SLC22A31: variants seen among roughly 807,000 people sequenced by gnomAD.
SLC22A31 encodes the protein solute carrier family 22 member 31.
A neutral mutation model predicts 27.4 loss-of-function variants in SLC22A31; 42 were observed. The observed-to-expected ratio is 1.53, with a 90% CI of 1.20 to 1.98. SLC22A31 has a LOEUF of 1.98. Ranked by LOEUF, SLC22A31 falls within the 30% of genes most tolerant of loss-of-function variation. The pLI, the probability that SLC22A31 is intolerant of heterozygous loss-of-function variation, is 0.00. For missense variants in SLC22A31, 593 were observed against 479.9 expected (o/e 1.24, Z -2.20); for synonymous variants, 290 against 230.8 (o/e 1.26, Z -2.33).
chr16:89,196,002 G>C lies in SLC22A31; in HGVS notation c.1338C>G (p.His446Gln), dbSNP rs1178302693. ...CTCCCAGGGCCACCAGGCAGGACTA[G>C]TGCTGCTCGGGGGTGTGGCCGGCCC... is the stretch of plus-strand genomic sequence containing the variant. ...SYWAGHTPEQ[H>Q] The change falls in exon 9 of 9, where the codon CAC (histidine) becomes CAG (glutamine). Residue 446 changes from histidine to glutamine, a missense_variant. His to Gln is a conservative substitution (Grantham distance 24). Transcript: ENST00000682282. 1 of 1,502,846 alleles carries C rather than the reference G, an allele frequency of 6.7e-7. No individual in the cohort carries two copies. Among genetic ancestry groups the C allele is most frequent in the South Asian group, 1.3e-5 (1 of 78,414 alleles). The allele number at this position is 1,502,846 out of a possible 1,614,324, so 93.1% of individuals were successfully genotyped here. A position where few individuals can be genotyped will look rare whatever the true frequency, so the allele number is the denominator to read the frequency against.
intron 1 of SLC22A31, 156 bp downstream of exon 1, chr16:89,200,322 G>C (rs1916449636): frequency 6.5e-6 from 1 of 152,818 alleles, no homozygotes; most frequent in Admixed American, 6.5e-5. Context: ...GCAGCGGCTG[G>C]AGAGCTGTGC....
At position 89,198,649 on chromosome 16, in the gene SLC22A31, G is replaced by C; in HGVS notation, c.598+3C>G. 4 of 1,535,098 alleles carry C rather than the reference G, an allele frequency of 2.6e-6. No individual in the cohort carries two copies. Among genetic ancestry groups the C allele is most frequent in the Non-Finnish European group, 3.5e-6 (4 of 1,146,250 alleles). On this transcript the variant is annotated splice_donor_region_variant and intron_variant, in intron 5 of 8. Coordinates refer to ENST00000682282, the MANE Select transcript of SLC22A31 (RefSeq NM_001384763.1). ...TCTCCCTCCTCCCTGGTAGGCGCCT[G>C]ACCTGTAGCCAGGGAGTTCTCCTCC...
rs1376769018 is a variant in SLC22A31, at chr16:89,197,427, G to A, written c.923-18C>T. On this transcript the variant is annotated intron_variant, in intron 7 of 8. Transcript: ENST00000682282. ...TGGCAGATCTGGGGACAAAGAACAG[G>A]GGTTCCCAGGCTCTCTCCCCAGGCC... is the stretch of plus-strand genomic sequence containing the variant. 1.3e-6 allele frequency: 2 copies of A among 1,520,884 alleles called. No individual in the cohort carries two copies. Among genetic ancestry groups the A allele is most frequent in the African/African-American group, 2.7e-5 (2 of 72,840 alleles). The allele number at this position is 1,520,884 out of a possible 1,614,324, so 94.2% of individuals were successfully genotyped here.
chr16:89,201,587 C>A, upstream of SLC22A31: 1 of 398,636 alleles, frequency 2.5e-6, no homozygotes, highest in Non-Finnish European at 4.4e-6. Flanking sequence ...TGCAGGGTAC[C>A]CACGAGGCGG....
chr16:89,195,909 G>T lies in SLC22A31; in HGVS notation c.*90C>A. ...AGACACGGGCTTCTGAGAGGAATGT[G>T]TCTGCCCTGGACCAGACGTCTGGGG... On this transcript the variant is annotated 3_prime_UTR_variant, in exon 9 of 9. Transcript: ENST00000682282. The T allele has an allele frequency of 1.5e-6, 2 of 1,353,314 alleles. No homozygotes were observed. The highest frequency in any genetic ancestry group is 1.9e-6 in the Non-Finnish European group (2 of 1,027,312). 83.8% of individuals were successfully genotyped at this position (1,353,314 alleles called of 1,614,324 possible).
chr16:89,198,478 A>T lies in SLC22A31; in HGVS notation c.671T>A (p.Val224Asp). The change falls in exon 6 of 9, where the codon GTC becomes GAC. Residue 224 changes from valine (V) to aspartate (D), a missense_variant. Val to Asp is a radical substitution (Grantham distance 152). Coordinates refer to ENST00000682282, the MANE Select transcript of SLC22A31 (RefSeq NM_001384763.1). Reference sequence around the variant, plus strand: ...CAAGATAAGCCCGTTTCTCCAGGTGACTCGGGTACGCAGAAGCCCCAGTGG... The same window carrying T: ...CAAGATAAGCCCGTTTCTCCAGGTGTCTCGGGTACGCAGAAGCCCCAGTGG... ...HSPLGLLRTR[V>D]TWRNGLILGF... 5.3e-6 allele frequency: 8 copies of T among 1,519,938 alleles called. No homozygotes were observed. Among genetic ancestry groups the T allele is most frequent in the Non-Finnish European group, 7.0e-6 (8 of 1,138,170 alleles). The allele number at this position is 1,519,938 out of a possible 1,614,324, so 94.2% of individuals were successfully genotyped here.
At chr16:89,196,861 G>A (rs947762231) in intron 8 of SLC22A31, among the ~76,000 whole-genome samples, 9 of 151,330 alleles carry the variant, frequency 5.9e-5, no homozygotes, top group Admixed American at 1.3e-4. Context: ...CAGGAGAATC[G>A]CTTGAACCAG....
At position 89,198,687 on chromosome 16, in the gene SLC22A31, C is replaced by G. The variant is rs4785728; in HGVS notation, c.563G>C (p.Gly188Ala). 1 of 1,535,708 alleles carries G rather than the reference C, an allele frequency of 6.5e-7. No individual in the cohort carries two copies. Among genetic ancestry groups the G allele is most frequent in the South Asian group, 1.2e-5 (1 of 84,066 alleles). ...GGAGTTCTCCTCCAAGGAACTGTCC[C>G]CGGGGCCCACGCCACTGGCTTCTGC... The part of the protein sequence containing the change: ...RFAEASGVGP[G>A]DSSLEENSLA... The change falls in exon 5 of 9, where the codon GGG (glycine) becomes GCG (alanine). Residue 188 changes from glycine (G) to alanine (A), a missense_variant. Transcript: ENST00000682282.
At position 89,199,187 on chromosome 16, in the gene SLC22A31, C is replaced by A; in HGVS notation, c.288G>T (p.Leu96=). 1 of 1,526,168 alleles carries A rather than the reference C, an allele frequency of 6.6e-7. No homozygotes were observed. Among genetic ancestry groups the A allele is most frequent in the Non-Finnish European group, 8.8e-7 (1 of 1,142,114 alleles). The allele number at this position is 1,526,168 out of a possible 1,614,324, so 94.5% of individuals were successfully genotyped here. The stretch of plus-strand genomic sequence containing the variant: ...GGCGGTGGGGAGGGTCACACAACTC[C>A]AGGCCTGGGCAGACACAGACAGGTT... ...GALLALYLAR[L]ELCDPPHRLA... The change falls in exon 4 of 9, where the codon CTG becomes CTT. Residue 96 remains leucine, a synonymous_variant. Transcript: ENST00000682282.
chr16:89,199,796 G>GGAAGCACACACAAGGT lies in SLC22A31; in HGVS notation c.44_45insACCTTGTGTGTGCTTC (p.Asp15GlufsTer33). On this transcript the variant is annotated frameshift_variant, in exon 2 of 9. Transcript: ENST00000682282. LOFTEE classifies it high-confidence loss of function. Reference sequence around the variant, plus strand: ...CCTGCTCCAGCGGGACCTTCCAGCCGTCTCCACACACAAGGTTCCACTATG... The same window carrying GGAAGCACACACAAGGT: ...CCTGCTCCAGCGGGACCTTCCAGCCGGAAGCACACACAAGGTTCTCCACACACAAGGTTCCACTATG... 3 of 403,514 alleles carry GGAAGCACACACAAGGT rather than the reference G, an allele frequency of 7.4e-6. No homozygotes were observed. Among genetic ancestry groups the GGAAGCACACACAAGGT allele is most frequent in the Non-Finnish European group, 8.8e-6 (2 of 227,934 alleles). The allele number at this position is 403,514 out of a possible 1,614,324, so 25.0% of individuals were successfully genotyped here.
chr16:89,201,025 C>T (rs1294070075), upstream of SLC22A31: 4 of 358,236 alleles, frequency 1.1e-5, no homozygotes, highest in East Asian at 1.2e-4. Context: ...CAGGCCGCCC[C>T]GCGCCTGGCA....
At chr16:89,199,289 G>T in intron 3 of SLC22A31, 98 bp from the exon 4 acceptor site, 1 of 1,257,748 alleles carries the variant, frequency 8.0e-7, no homozygotes, top group Non-Finnish European at 1.1e-6. Flanking sequence ...GCCCAGGAGC[G>T]GGATGCCCAA....
intron 7 of SLC22A31, 120 bp downstream of exon 7, chr16:89,198,002 C>T: frequency 9.4e-7 from 1 of 1,059,502 alleles, no homozygotes; most frequent in Non-Finnish European, 1.3e-6. Context: ...AAACAAACAG[C>T]AGCTGGCCTT....
In SLC22A31 at chr16:89,196,061, G is replaced by A. The variant is rs1915855699; in HGVS notation, c.1279C>T (p.His427Tyr). The change falls in exon 9 of 9, where the codon CAC becomes TAC. Residue 427 changes from histidine (H) to tyrosine (Y), a missense_variant. By Grantham distance (83) the His-to-Tyr change is moderately conservative. Coordinates refer to ENST00000682282, the MANE Select transcript of SLC22A31 (RefSeq NM_001384763.1). ...PLLRGRPRQDHLPLLPPSNSY... is the reference protein window; with the variant it reads ...PLLRGRPRQDYLPLLPPSNSY... ...TTGGAGGGCGGCAGCAGAGGCAGGT[G>A]GTCCTGGCGGGGGCGGCCCCGCAGG... The A allele has an allele frequency of 3.3e-6, 5 of 1,530,784 alleles. No individual in the cohort carries two copies. Among genetic ancestry groups the A allele is most frequent in the Non-Finnish European group, 4.4e-6 (5 of 1,144,724 alleles). The allele number at this position is 1,530,784 out of a possible 1,614,324, so 94.8% of individuals were successfully genotyped here.
chr16:89,198,677 G>A lies in SLC22A31; in HGVS notation c.573C>T (p.Ser191=). 6.5e-7 allele frequency: 1 copy of A among 1,535,710 alleles called. No homozygotes were observed. The highest frequency in any genetic ancestry group is 8.7e-7 in the Non-Finnish European group (1 of 1,146,738). Residue 191 remains serine (S), a synonymous_variant, in exon 5 of 9, where the codon TCC becomes TCT. Coordinates refer to ENST00000682282, the MANE Select transcript of SLC22A31 (RefSeq NM_001384763.1). ...CTGTAGCCAGGGAGTTCTCCTCCAAGGAACTGTCCCCGGGGCCCACGCCAC... is the reference window on the plus strand; with the variant it reads ...CTGTAGCCAGGGAGTTCTCCTCCAAAGAACTGTCCCCGGGGCCCACGCCAC... ...EASGVGPGDS[S]LEENSLATEL...
At chr16:89,197,533 G>GC (rs1421965681) in intron 7 of SLC22A31, 124 bp from the exon 8 acceptor site, 4 of 650,632 alleles carry the variant, frequency 6.1e-6, no homozygotes, top group Admixed American at 2.8e-5. Flanking sequence ...TCCTTTTCCA[G>GC]CCCCCCTGAG....
chr16:89,200,397 T>G (rs1916464869), intron 1 of SLC22A31, 81 bp downstream of exon 1: 1 of 152,714 alleles, frequency 6.5e-6, no homozygotes, highest in Non-Finnish European at 1.5e-5. Context: ...CCCCACCCCT[T>G]CCGGTTCCTG....
In SLC22A31 at chr16:89,198,523, G is replaced by C. The variant is rs911237427; in HGVS notation, c.626C>G (p.Pro209Arg). 10 of 1,509,992 alleles carry C rather than the reference G, an allele frequency of 6.6e-6. No homozygotes were observed. The highest frequency in any genetic ancestry group is 1.2e-5 in the South Asian group (1 of 80,436). 93.5% of individuals were successfully genotyped at this position (1,509,992 alleles called of 1,614,324 possible). Reference sequence around the variant, plus strand: ...CAGTGGGGAGTGGTACCGGGGCTGGGGGCTCCGTGCAGACAGCATGGTCAG... The same window carrying C: ...CAGTGGGGAGTGGTACCGGGGCTGGCGGCTCCGTGCAGACAGCATGGTCAG... Reference protein sequence around the residue: ...TELTMLSARSPQPRYHSPLGL... With the variant: ...TELTMLSARSRQPRYHSPLGL... Residue 209 changes from proline to arginine, a missense_variant, in exon 6 of 9, where the codon CCC becomes CGC. Transcript: ENST00000682282.
upstream of SLC22A31, chr16:89,201,416 C>T (rs1213894243): frequency 2.7e-6 from 1 of 377,328 alleles, no homozygotes; most frequent in African/African-American, 2.1e-5. Context: ...GGCAGGGGCT[C>T]GCGGCTCGCG....
Sources: gnomAD v4.1 joint callset for allele counts (sites outside exome capture counted in the v4.1 genomes callset) on GRCh38, gnomAD v4.1.1 for gene constraint, MANE v1.5 for transcripts, NCBI Gene and HGNC (gene_info 2026-07-23, HGNC 2026-07-21) for gene names.